Variants in SLC25A33 observed in about 807,000 individuals in gnomAD.
SLC25A33 encodes solute carrier family 25 member 33.
In SLC25A33, 15 loss-of-function variants were observed where a neutral mutation model predicts 35.5. That is an observed-to-expected ratio of 0.42 (90% CI 0.28 to 0.65). The LOEUF is 0.65. Among genes scored for constraint, SLC25A33 ranks in the 30% least tolerant of loss-of-function variants. SLC25A33 has a pLI of 0.20. For missense variants in SLC25A33, 257 were observed against 398.5 expected, an observed-to-expected ratio of 0.64 and a Z score of 3.02; for synonymous variants, 136 against 148.7, an observed-to-expected ratio of 0.91 and a Z score of 0.62.
chr1:9,577,822 C>G (rs1271157032), intron 5 of SLC25A33, among the ~76,000 whole-genome samples: 3 of 152,136 alleles, frequency 2.0e-5, no homozygotes, highest in Non-Finnish European at 4.4e-5. Flanking sequence ...TGAATAGAGG[C>G]CGGGATGCTG....
chr1:9,561,614 A>G (rs1409603307), intron 2 of SLC25A33, among the ~76,000 whole-genome samples: 2 of 152,136 alleles, frequency 1.3e-5, no homozygotes, highest in African/African-American at 4.8e-5. Flanking sequence ...GCCAACTGTT[A>G]TTATGTGTAA....
intron 1 of SLC25A33, among the ~76,000 whole-genome samples, chr1:9,547,839 T>G (rs577100932): frequency 6.6e-6 from 1 of 151,852 alleles, no homozygotes; most frequent in African/African-American, 2.4e-5. Flanking sequence ...GTTTCTTGTT[T>G]GTTTTGTTTT....
rs199645448 is a variant in SLC25A33 at position 9,553,795 on chromosome 1, C to G, written c.226C>G (p.Gln76Glu). Reference protein sequence around the residue: ...RPTSVTPGLFQVLKSILEKEG... With the variant: ...RPTSVTPGLFEVLKSILEKEG... ...AACATCCGTGACACCTGGACTCTTTCAGGTTCTGAAGTAAGTTCAGTCTTG... is the reference window on the plus strand; with the variant it reads ...AACATCCGTGACACCTGGACTCTTTGAGGTTCTGAAGTAAGTTCAGTCTTG... The change falls in exon 2 of 7, where the codon CAG becomes GAG. Residue 76 changes from glutamine (Q) to glutamate (E), a missense_variant. Physicochemically the swap from Gln to Glu is conservative, Grantham distance 29. Transcript: ENST00000302692. 1.2e-6 allele frequency: 2 copies of G among 1,613,770 alleles called. No homozygotes were observed. The highest frequency in any genetic ancestry group is 2.7e-5 in the African/African-American group (2 of 75,056).
At chr1:9,560,397 T>C (rs1643405303) in intron 2 of SLC25A33, among the ~76,000 whole-genome samples, 2 of 151,748 alleles carry the variant, frequency 1.3e-5, no homozygotes, top group Non-Finnish European at 2.9e-5. Context: ...ACCCTATCTC[T>C]ACTAAAAATA....
chr1:9,565,946 G>T (rs1423303204), intron 2 of SLC25A33, among the ~76,000 whole-genome samples: 1 of 151,762 alleles, frequency 6.6e-6, no homozygotes, highest in Non-Finnish European at 1.5e-5. Context: ...TTGGACTTGA[G>T]ATACTAGGCT....
intron 6 of SLC25A33, among the ~76,000 whole-genome samples, chr1:9,581,919 T>C (rs527792497): frequency 6.6e-6 from 1 of 152,178 alleles, no homozygotes; most frequent in African/African-American, 2.4e-5. Flanking sequence ...GACAATTTTA[T>C]TTTATTTATT....
intron 1 of SLC25A33, among the ~76,000 whole-genome samples, chr1:9,543,530 T>C (rs1318926201): frequency 6.6e-6 from 1 of 152,206 alleles, no homozygotes; most frequent in Admixed American, 6.5e-5. Context: ...GTAGGCTTGA[T>C]TTGCCAAAGA....
intron 2 of SLC25A33, among the ~76,000 whole-genome samples, chr1:9,556,686 T>C (rs1257602901): frequency 2.6e-5 from 4 of 151,904 alleles, no homozygotes; most frequent in Non-Finnish European, 5.9e-5. Flanking sequence ...TGTGTCTGTG[T>C]GTGTGTGTGT....
chr1:9,546,162 TCA>T (rs1239349493), intron 1 of SLC25A33, among the ~76,000 whole-genome samples: 1 of 148,284 alleles, frequency 6.7e-6, no homozygotes, highest in Non-Finnish European at 1.5e-5. Context: ...GAAGGGAATA[TCA>T]CACAGAGAAA....
intron 4 of SLC25A33, among the ~76,000 whole-genome samples, chr1:9,571,013 C>T (rs1160664878): frequency 6.6e-6 from 1 of 151,710 alleles, no homozygotes; most frequent in Non-Finnish European, 1.5e-5. Context: ...GCGCCCAGCC[C>T]CATCAGATGA....
chr1:9,564,759 T>C (rs1250862589), intron 2 of SLC25A33, among the ~76,000 whole-genome samples: 2 of 137,448 alleles, frequency 1.5e-5, no homozygotes, highest in African/African-American at 5.5e-5. Flanking sequence ...TATATATATA[T>C]ATATATACAC....
intron 2 of SLC25A33, among the ~76,000 whole-genome samples, chr1:9,557,863 A>G (rs897229468): frequency 5.3e-5 from 8 of 152,006 alleles, no homozygotes; most frequent in Non-Finnish European, 8.8e-5. Flanking sequence ...TGATTGTGCC[A>G]CTGTACTCCA....
At chr1:9,549,984 ATTTTTTC>A (rs1557525146) in intron 1 of SLC25A33, among the ~76,000 whole-genome samples, 8 of 91,520 alleles carry the variant, frequency 8.7e-5, no homozygotes, top group African/African-American at 3.4e-4. Flanking sequence ...ATGTATATAT[ATTTTTTC>A]TATACATATA....
At chr1:9,570,205 G>T in intron 3 of SLC25A33, 53 bp from the exon 4 acceptor site, 1 of 1,483,198 alleles carries the variant, frequency 6.7e-7, no homozygotes. Flanking sequence ...CTGGAGGGAC[G>T]TATAAAGTTG....
At chr1:9,555,110 C>CTTTTTTTTT (rs1172100444) in intron 2 of SLC25A33, among the ~76,000 whole-genome samples, 2 of 91,196 alleles carry the variant, frequency 2.2e-5, no homozygotes, top group Admixed American at 1.3e-4. Flanking sequence ...GCATTTAGCA[C>CTTTTTTTTT]TTTTTTTTTT....
At chr1:9,567,774 T>C (rs1643532837) in intron 3 of SLC25A33, among the ~76,000 whole-genome samples, 1 of 152,210 alleles carries the variant, frequency 6.6e-6, no homozygotes, top group South Asian at 2.1e-4. Context: ...GAAACACTGA[T>C]CCAGAGGAAT....
chr1:9,553,492 C>T (rs1643297841), intron 1 of SLC25A33, 134 bp from the exon 2 acceptor site: 10 of 881,514 alleles, frequency 1.1e-5, no homozygotes, highest in Non-Finnish European at 1.5e-5. Context: ...CTCAGCCTCC[C>T]AAAGTGCTGG....
intron 2 of SLC25A33, among the ~76,000 whole-genome samples, chr1:9,555,572 G>A (rs1451845086): frequency 1.3e-5 from 2 of 152,180 alleles, no homozygotes; most frequent in African/African-American, 2.4e-5. Context: ...CTTACTGAGC[G>A]AAACTGAACA....
At chr1:9,552,728 C>T (rs1016499209) in intron 1 of SLC25A33, among the ~76,000 whole-genome samples, 2 of 151,902 alleles carry the variant, frequency 1.3e-5, no homozygotes, top group East Asian at 1.9e-4. Flanking sequence ...TCTTATCAAT[C>T]GATAAGGCAG....
Sources: allele counts gnomAD v4.1 joint callset (sites outside exome capture counted in the v4.1 genomes callset), GRCh38; gene constraint gnomAD v4.1.1; transcripts MANE v1.5; gene names NCBI Gene and HGNC (gene_info 2026-07-23, HGNC 2026-07-21).